The following MYO1D variants were observed in gnomAD, a reference collection of about 807,000 sequenced individuals.
The protein encoded by MYO1D is myosin ID.
In MYO1D, 83 loss-of-function variants were observed where a neutral mutation model predicts 122.0. The ratio of observed to expected loss-of-function variants is 0.68; its 90% CI spans 0.57 to 0.82. The LOEUF (loss-of-function observed/expected upper bound fraction) is 0.82. MYO1D is among the 40% of genes least tolerant of loss of function. The pLI, the probability that MYO1D is intolerant of heterozygous loss-of-function variation, is 0.00. For missense variants in MYO1D, 1,157 were observed against 1,269.5 expected (o/e 0.91, Z 1.35); for synonymous variants, 464 against 446.9 (o/e 1.04, Z -0.48).
At chr17:32,636,327 C>A (rs528804016) in intron 20 of MYO1D, among the ~76,000 whole-genome samples, 65 of 152,198 alleles carry the variant, frequency 4.3e-4, no homozygotes, top group Non-Finnish European at 8.1e-4. Flanking sequence ...TTATTAGCAT[C>A]ATCATGTTTT....
At chr17:32,800,038 G>A (rs2090447825) in intron 1 of MYO1D, among the ~76,000 whole-genome samples, 1 of 152,128 alleles carries the variant, frequency 6.6e-6, no homozygotes, top group South Asian at 2.1e-4. Flanking sequence ...AATGAGATAA[G>A]AAGTGTTAGA....
At chr17:32,676,412 T>C (rs2088810312) in intron 16 of MYO1D, among the ~76,000 whole-genome samples, 1 of 152,090 alleles carries the variant, frequency 6.6e-6, no homozygotes, top group African/African-American at 2.4e-5. Flanking sequence ...GTAAGGGCTT[T>C]TTGTATATGA....
chr17:32,581,204 C>G (rs2087335439), intron 21 of MYO1D, among the ~76,000 whole-genome samples: 1 of 152,248 alleles, frequency 6.6e-6, no homozygotes, highest in East Asian at 1.9e-4. Flanking sequence ...TCTATTTAAT[C>G]TAAGCTGTCA....
intron 19 of MYO1D, among the ~76,000 whole-genome samples, chr17:32,641,051 A>G (rs8080783): frequency 6.6e-6 from 1 of 150,376 alleles, no homozygotes; most frequent in Admixed American, 6.6e-5. Flanking sequence ...TCGTCATTTA[A>G]ATTAGGTATA....
intron 21 of MYO1D, among the ~76,000 whole-genome samples, chr17:32,600,417 T>A (rs998162011): frequency 6.6e-6 from 1 of 152,260 alleles, no homozygotes; most frequent in Non-Finnish European, 1.5e-5. Flanking sequence ...CTAGATGGCA[T>A]CTTCTTCCAG....
intron 21 of MYO1D, among the ~76,000 whole-genome samples, chr17:32,570,405 C>T (rs1163468889): frequency 6.6e-6 from 1 of 152,034 alleles, no homozygotes; most frequent in African/African-American, 2.4e-5. Context: ...CGCTGTGTCG[C>T]CCAGGCTGGA....
intron 21 of MYO1D, among the ~76,000 whole-genome samples, chr17:32,602,050 G>A (rs1476095464): frequency 6.6e-6 from 1 of 152,144 alleles, no homozygotes; most frequent in Non-Finnish European, 1.5e-5. Flanking sequence ...AAATTTATTC[G>A]AGGACATGCT....
At chr17:32,721,300 T>C (rs1598039355) in intron 14 of MYO1D, 111 bp from the exon 15 acceptor site, 1 of 948,084 alleles carries the variant, frequency 1.1e-6, no homozygotes, top group East Asian at 2.4e-5. Context: ...GTGCCTCTAA[T>C]TTCTCAGGCA....
At chr17:32,779,822 A>G (rs2151028617) in intron 2 of MYO1D, among the ~76,000 whole-genome samples, 1 of 152,324 alleles carries the variant, frequency 6.6e-6, no homozygotes, top group South Asian at 2.1e-4. Context: ...TAACTGTTCT[A>G]CATACCAGAG....
intron 1 of MYO1D, among the ~76,000 whole-genome samples, chr17:32,788,073 C>G (rs778555633): frequency 2.0e-5 from 3 of 151,712 alleles, no homozygotes; most frequent in African/African-American, 4.9e-5. Flanking sequence ...GTGTGTGTGT[C>G]TGTTTCACTT....
intron 19 of MYO1D, among the ~76,000 whole-genome samples, chr17:32,641,489 G>C (rs2088200133): frequency 6.6e-6 from 1 of 152,168 alleles, no homozygotes; most frequent in African/African-American, 2.4e-5. Context: ...TCTAGTTCTA[G>C]ATCCCTGAGG....
At chr17:32,752,772 T>C (rs1308587057) in intron 11 of MYO1D, among the ~76,000 whole-genome samples, 1 of 152,094 alleles carries the variant, frequency 6.6e-6, no homozygotes, top group Non-Finnish European at 1.5e-5. Flanking sequence ...CAAAAACAGA[T>C]GGCATGGATG....
At chr17:32,628,405 T>C (rs1450578660) in intron 20 of MYO1D, among the ~76,000 whole-genome samples, 1 of 152,232 alleles carries the variant, frequency 6.6e-6, no homozygotes, top group Non-Finnish European at 1.5e-5. Context: ...CAGTGTTTGC[T>C]GAAAAGAGTC....
At chr17:32,862,577 G>C (rs1015485929) in intron 1 of MYO1D, among the ~76,000 whole-genome samples, 3 of 152,088 alleles carry the variant, frequency 2.0e-5, no homozygotes, top group Admixed American at 6.5e-5. Context: ...AAGGAGGGTG[G>C]GATTATACAG....
rs2089385601 is a variant in MYO1D, at chr17:32,712,154, A to C, written c.1955T>G (p.Leu652Arg). ...ISEFTWPNHDLPSDKEAVKKL... is the reference protein window; with the variant it reads ...ISEFTWPNHDRPSDKEAVKKL... ...CTTGACAGCCTCTTTGTCTGAAGGA[A>C]GGTCATGGTTGGGCCAGGTGAATTC... is the stretch of plus-strand genomic sequence containing the variant. The change falls in exon 16 of 22, where the codon CTT becomes CGT. Residue 652 changes from leucine to arginine, a missense_variant. Coordinates refer to ENST00000318217, the MANE Select transcript of MYO1D (RefSeq NM_015194.3). 1 of 1,613,980 alleles carries C rather than the reference A, an allele frequency of 6.2e-7. No homozygotes were observed. The highest frequency in any genetic ancestry group is 1.7e-5 in the Admixed American group (1 of 60,006).
At chr17:32,721,462 C>T (rs1338511917) in intron 14 of MYO1D, among the ~76,000 whole-genome samples, 5 of 151,970 alleles carry the variant, frequency 3.3e-5, no homozygotes, top group East Asian at 1.9e-4. Flanking sequence ...ATAACAGAGA[C>T]GTAAAGATCG....
intron 1 of MYO1D, among the ~76,000 whole-genome samples, chr17:32,820,211 T>A (rs1430963624): frequency 6.6e-6 from 1 of 152,096 alleles, no homozygotes; most frequent in Non-Finnish European, 1.5e-5. Flanking sequence ...AGTATGTAGG[T>A]TCCTCAAAAA....
chr17:32,517,222 T>C (rs73981818), intron 21 of MYO1D, among the ~76,000 whole-genome samples: 3,045 of 152,254 alleles, frequency 0.02, 96 homozygotes, highest in African/African-American at 0.068. Flanking sequence ...ATCTGAAAAA[T>C]GGTTTGTGCC....
intron 20 of MYO1D, among the ~76,000 whole-genome samples, chr17:32,619,270 C>A (rs903001861): frequency 1.3e-5 from 2 of 152,132 alleles, no homozygotes; most frequent in African/African-American, 4.8e-5. Flanking sequence ...AAGATGCTGA[C>A]TTCCTTTTAA....
Sources: allele counts gnomAD v4.1 joint callset (sites outside exome capture counted in the v4.1 genomes callset), GRCh38; gene constraint gnomAD v4.1.1; transcripts MANE v1.5; gene names NCBI Gene and HGNC (gene_info 2026-07-23, HGNC 2026-07-21).